Variants in CDH4 observed in about 807,000 individuals in gnomAD.
The protein encoded by CDH4 is cadherin-4.
Under a neutral mutation model 86.0 loss-of-function variants are expected in CDH4, and 33 were observed. The ratio of observed to expected loss-of-function variants is 0.38; its 90% CI spans 0.29 to 0.51. The LOEUF (loss-of-function observed/expected upper bound fraction) is 0.51. Ranked by LOEUF, CDH4 falls within the 20% of genes least tolerant of loss-of-function variation. The probability of loss-of-function intolerance (pLI) is 0.86; values close to 1 mark genes in which losing one functional copy is unlikely to be tolerated. For missense variants in CDH4, 1,114 were observed against 1,307.4 expected (o/e 0.85, Z 2.28); for synonymous variants, 555 against 549.4 (o/e 1.01, Z -0.14).
chr20:61,890,341 A>T (rs1367359971), intron 7 of CDH4, among the ~76,000 whole-genome samples: 1 of 150,090 alleles, frequency 6.7e-6, no homozygotes, highest in East Asian at 2.0e-4. Flanking sequence ...GGGTGAGTGA[A>T]TGGATGTATG....
At chr20:61,787,632 A>G (rs1406993102) in intron 4 of CDH4, among the ~76,000 whole-genome samples, 1 of 152,246 alleles carries the variant, frequency 6.6e-6, no homozygotes, top group Admixed American at 6.5e-5. Context: ...CAGATGGAAC[A>G]GTCCAGCCCT....
chr20:61,757,381 G>A (rs921723578), intron 3 of CDH4, among the ~76,000 whole-genome samples: 4 of 152,346 alleles, frequency 2.6e-5, no homozygotes, highest in Admixed American at 6.5e-5. Context: ...ATTGGAATTG[G>A]TCTTGCTTCT....
At chr20:61,769,224 C>T (rs1166914601) in intron 3 of CDH4, among the ~76,000 whole-genome samples, 1 of 152,206 alleles carries the variant, frequency 6.6e-6, no homozygotes, top group Non-Finnish European at 1.5e-5. Context: ...CCCTGTTCTC[C>T]AACTGCAGAA....
rs1228850115 is a variant in CDH4 at position 61,517,966 on chromosome 20, CCT to C, written c.170-225593_170-225592del. On this transcript the variant is annotated intron_variant, in intron 2 of 15. Transcript: ENST00000614565. This position sits in a 1 kb window ranked among gnomAD's most constrained non-coding sequence, Gnocchi z 6.6. ...CTGGGGCTGATTGCCCCTGGATGGG[CCT>C]CTCGTGTGGGGCTGGGGCAGGAGCT... Among the ~76,000 whole-genome samples, 2 of 152,026 alleles carry C rather than the reference CCT, an allele frequency of 1.3e-5. No homozygotes were observed. Among genetic ancestry groups the C allele is most frequent in the Non-Finnish European group, 2.9e-5 (2 of 68,034 alleles).
At chr20:61,792,250 G>A (rs1234858820) in intron 4 of CDH4, among the ~76,000 whole-genome samples, 1 of 152,104 alleles carries the variant, frequency 6.6e-6, no homozygotes, top group Non-Finnish European at 1.5e-5. Context: ...TGGCTCCTGG[G>A]TTTTCAGCCC....
chr20:61,799,553 AG>A (rs1372182958), intron 4 of CDH4, among the ~76,000 whole-genome samples: 1 of 152,128 alleles, frequency 6.6e-6, no homozygotes, highest in African/African-American at 2.4e-5. Flanking sequence ...TGGAGAGGCC[AG>A]GGGGCTGCTC....
chr20:61,824,246 C>T (rs1981203361), intron 4 of CDH4, among the ~76,000 whole-genome samples: 1 of 152,052 alleles, frequency 6.6e-6, no homozygotes, highest in African/African-American at 2.4e-5. Context: ...TAGAAGCCAT[C>T]CCCATTGCCA....
intron 2 of CDH4, among the ~76,000 whole-genome samples, chr20:61,461,462 C>T (rs1159894202): frequency 2.0e-5 from 3 of 152,104 alleles, no homozygotes; most frequent in East Asian, 3.9e-4. Flanking sequence ...AAAAGTGACT[C>T]GGCTTCCGCT....
intron 4 of CDH4, among the ~76,000 whole-genome samples, chr20:61,830,624 C>T (rs969958397): frequency 2.4e-4 from 36 of 152,348 alleles, no homozygotes; most frequent in African/African-American, 7.0e-4. Context: ...TCAACAGACG[C>T]CCTAGCGTGT....
intron 2 of CDH4, among the ~76,000 whole-genome samples, chr20:61,640,470 G>A (rs1455848559): frequency 6.6e-6 from 1 of 152,188 alleles, no homozygotes; most frequent in Non-Finnish European, 1.5e-5. Context: ...TGGCTTCCGG[G>A]GCCTATGAGG....
chr20:61,407,514 CT>C (rs1167667424), intron 2 of CDH4, among the ~76,000 whole-genome samples: 4 of 152,194 alleles, frequency 2.6e-5, no homozygotes, highest in Non-Finnish European at 5.9e-5. Flanking sequence ...GCCTAAATGG[CT>C]ACAACCACTT....
intron 2 of CDH4, among the ~76,000 whole-genome samples, chr20:61,366,585 C>T (rs2084811855): frequency 6.6e-6 from 1 of 152,192 alleles, no homozygotes; most frequent in South Asian, 2.1e-4. Context: ...TAAAAGTACC[C>T]CTTATGGGAA....
At position 61,839,036 on chromosome 20, in the gene CDH4, T is replaced by C. The variant is rs527318384; in HGVS notation, c.577-5632T>C. ...AGGCAGCTCAGAACTCCCAACAGGC[T>C]GCAAAGGCAAGGGTCTGCGATCTGT... On this transcript the variant is annotated intron_variant, in intron 4 of 15. Coordinates refer to ENST00000614565, the MANE Select transcript of CDH4 (RefSeq NM_001794.5). Among the ~76,000 whole-genome samples the C allele has an allele frequency of 2.6e-5, 4 of 152,300 alleles. No individual in the cohort carries two copies. In the South Asian group the frequency reaches 6.2e-4, roughly 24 times the overall value.
At chr20:61,845,822 C>G (rs1459826679) in intron 5 of CDH4, among the ~76,000 whole-genome samples, 1 of 152,250 alleles carries the variant, frequency 6.6e-6, no homozygotes, top group East Asian at 1.9e-4. Context: ...TTGCTCGGTT[C>G]CACCTTCGCT....
intron 2 of CDH4, among the ~76,000 whole-genome samples, chr20:61,601,549 G>C (rs913494273): frequency 6.6e-6 from 1 of 152,154 alleles, no homozygotes; most frequent in African/African-American, 2.4e-5. Context: ...TGCTCTTCCC[G>C]GGGCCTGTTC....
intron 2 of CDH4, among the ~76,000 whole-genome samples, chr20:61,598,771 GACTGGCTGCGGGGC>G (rs1364587611): frequency 6.6e-6 from 1 of 152,212 alleles, no homozygotes; most frequent in African/African-American, 2.4e-5. Flanking sequence ...GCACCCGAGG[GACTGGCTGCGGGGC>G]ACCCCACATG....
At chr20:61,648,562 G>A (rs1485128370) in intron 2 of CDH4, among the ~76,000 whole-genome samples, 1 of 152,220 alleles carries the variant, frequency 6.6e-6, no homozygotes, top group African/African-American at 2.4e-5. Flanking sequence ...GCTATGATGA[G>A]CTTGCTCTCG....
chr20:61,614,794 G>A (rs1165132461), intron 2 of CDH4, among the ~76,000 whole-genome samples: 2 of 152,092 alleles, frequency 1.3e-5, no homozygotes, highest in Non-Finnish European at 2.9e-5. Flanking sequence ...ACTAATGGGG[G>A]CCCGCTCTTC....
chr20:61,671,560 C>T (rs1208520565), intron 2 of CDH4, among the ~76,000 whole-genome samples: 2 of 151,020 alleles, frequency 1.3e-5, no homozygotes, highest in Admixed American at 6.6e-5. Flanking sequence ...GAATAATAGA[C>T]GGATGATAGG....
Sources: gnomAD v4.1 joint callset for allele counts (sites outside exome capture counted in the v4.1 genomes callset) on GRCh38, gnomAD v4.1.1 for gene constraint, Gnocchi (gnomAD v3.1) non-coding constraint, MANE v1.5 for transcripts, NCBI Gene and HGNC (gene_info 2026-07-23, HGNC 2026-07-21) for gene names.